GRM8: variants seen among roughly 807,000 people sequenced by gnomAD.
The protein encoded by GRM8 is glutamate metabotropic receptor 8.
GRM8 carries 47 observed loss-of-function variants against 87.2 expected under a neutral mutation model. The observed-to-expected ratio is 0.54, with a 90% CI of 0.43 to 0.69. The LOEUF is 0.69. Ranked by LOEUF, GRM8 falls within the 30% of genes least tolerant of loss-of-function variation. GRM8 has a pLI of 0.00. For missense variants in GRM8, 1,019 were observed against 1,139.2 expected (o/e 0.89, Z 1.52); for synonymous variants, 396 against 404.5 (o/e 0.98, Z 0.25).
intron 6 of GRM8, among the ~76,000 whole-genome samples, chr7:126,792,402 G>C (rs1821448031): frequency 1.3e-5 from 2 of 152,140 alleles, no homozygotes. Flanking sequence ...AAATTCTCCA[G>C]TCTCTCCCCA....
At chr7:126,916,989 C>G (rs1355353288) in intron 3 of GRM8, among the ~76,000 whole-genome samples, 1 of 152,144 alleles carries the variant, frequency 6.6e-6, no homozygotes, top group African/African-American at 2.4e-5. Context: ...ACGTTTTTAA[C>G]TTTTTGGATT....
intron 2 of GRM8, among the ~76,000 whole-genome samples, chr7:127,155,218 G>A (rs995533286): frequency 2.6e-5 from 4 of 152,102 alleles, no homozygotes; most frequent in South Asian, 2.1e-4. Flanking sequence ...ACTTACTCAC[G>A]AAGTGCCACC....
At chr7:126,782,313 T>A (rs1332174489) in intron 6 of GRM8, among the ~76,000 whole-genome samples, 2 of 152,174 alleles carry the variant, frequency 1.3e-5, no homozygotes, top group Non-Finnish European at 2.9e-5. Flanking sequence ...AACTGAGTGA[T>A]TTTTTTCCAG....
At chr7:126,841,255 C>T (rs1376299093) in intron 6 of GRM8, among the ~76,000 whole-genome samples, 3 of 152,146 alleles carry the variant, frequency 2.0e-5, no homozygotes, top group Non-Finnish European at 4.4e-5. Context: ...TGCCATATGG[C>T]ATTAACAGAA....
chr7:126,656,431 C>A (rs1466900759), intron 7 of GRM8, among the ~76,000 whole-genome samples: 1 of 152,122 alleles, frequency 6.6e-6, no homozygotes, highest in Non-Finnish European at 1.5e-5. Context: ...GTAAACCTAG[C>A]ACTTTGGGAG....
chr7:126,769,993 T>C lies in GRM8; in HGVS notation c.1229A>G (p.Tyr410Cys). 1 of 1,612,636 alleles carries C rather than the reference T, an allele frequency of 6.2e-7. No homozygotes were observed. Among genetic ancestry groups the C allele is most frequent in the Non-Finnish European group, 8.5e-7 (1 of 1,178,932 alleles). Residue 410 changes from tyrosine (Y) to cysteine (C), a missense_variant, in exon 7 of 11, where the codon TAT becomes TGT. Physicochemically the swap from Tyr to Cys is radical, Grantham distance 194 (BLOSUM62 -2). Coordinates refer to ENST00000339582, the MANE Select transcript of GRM8 (RefSeq NM_000845.3). ...GKVQFVIDAV[Y>C]SMAYALHNMH... is the part of the protein sequence containing the mutation. The stretch of plus-strand genomic sequence containing the variant: ...ATTGTGCAGGGCGTAAGCCATGGAA[T>C]ATACAGCATCAATTACAAATTGGAC...
At chr7:126,682,631 G>A (rs1050234836) in intron 7 of GRM8, among the ~76,000 whole-genome samples, 1 of 152,150 alleles carries the variant, frequency 6.6e-6, no homozygotes, top group Non-Finnish European at 1.5e-5. Context: ...CTGGCGACTC[G>A]GCCTCACCCA....
Position 126,902,682 on chromosome 7 carries a change from A to G in GRM8, c.1019-3T>C. Reference sequence around the variant, plus strand: ...GCTTCTAAAGTATCGATCAAATCCTATTTCAAAGGAGAAAGGTATGATTTT... The same window carrying G: ...GCTTCTAAAGTATCGATCAAATCCTGTTTCAAAGGAGAAAGGTATGATTTT... On this transcript the variant is annotated splice_region_variant and splice_polypyrimidine_tract_variant and intron_variant, in intron 5 of 10. Coordinates refer to ENST00000339582, the MANE Select transcript of GRM8 (RefSeq NM_000845.3). The G allele has an allele frequency of 6.4e-7, 1 of 1,567,982 alleles. No individual in the cohort carries two copies. The highest frequency in any genetic ancestry group is 1.9e-5 in the Admixed American group (1 of 51,426).
At chr7:126,734,473 G>A (rs1318292070) in intron 7 of GRM8, among the ~76,000 whole-genome samples, 2 of 150,988 alleles carry the variant, frequency 1.3e-5, no homozygotes, top group Non-Finnish European at 3.0e-5. Flanking sequence ...ATATAATATT[G>A]TATAGTAATA....
chr7:126,859,980 A>G (rs1244548971), intron 6 of GRM8, among the ~76,000 whole-genome samples: 5 of 139,942 alleles, frequency 3.6e-5, no homozygotes, highest in Non-Finnish European at 7.6e-5. Context: ...TGAGGAATTT[A>G]TTTCTCAAAT....
At chr7:126,630,213 A>C (rs919951930) in intron 7 of GRM8, among the ~76,000 whole-genome samples, 1 of 152,152 alleles carries the variant, frequency 6.6e-6, no homozygotes, top group African/African-American at 2.4e-5. Flanking sequence ...AGAAAAAATT[A>C]AAATTAAAAT....
intron 7 of GRM8, among the ~76,000 whole-genome samples, chr7:126,741,070 A>T (rs1289697149): frequency 6.6e-6 from 1 of 152,178 alleles, no homozygotes; most frequent in Non-Finnish European, 1.5e-5. Flanking sequence ...TAAAACTAAT[A>T]CTTGCTTATA....
intron 3 of GRM8, among the ~76,000 whole-genome samples, chr7:127,078,839 A>G (rs1367597956): frequency 6.6e-6 from 1 of 152,210 alleles, no homozygotes; most frequent in East Asian, 1.9e-4. Flanking sequence ...ATTAGGAGTA[A>G]TTTTCCAAAG....
At chr7:126,756,857 G>A (rs1817065383) in intron 7 of GRM8, among the ~76,000 whole-genome samples, 1 of 152,012 alleles carries the variant, frequency 6.6e-6, no homozygotes, top group Non-Finnish European at 1.5e-5. Context: ...CAATTTTGCT[G>A]TGAGATTAAA....
At chr7:126,775,860 G>A (rs1205729750) in intron 6 of GRM8, among the ~76,000 whole-genome samples, 1 of 151,916 alleles carries the variant, frequency 6.6e-6, no homozygotes, top group East Asian at 1.9e-4. Flanking sequence ...TCTGTAATGG[G>A]GTTCCTCATC....
chr7:127,075,435 T>TTTAC (rs1822157278), intron 3 of GRM8, among the ~76,000 whole-genome samples: 1 of 152,196 alleles, frequency 6.6e-6, no homozygotes, highest in Non-Finnish European at 1.5e-5. Flanking sequence ...CACTAAAATA[T>TTTAC]TTACTTGATA....
At chr7:126,749,906 T>C (rs1470972832) in intron 7 of GRM8, among the ~76,000 whole-genome samples, 2 of 152,168 alleles carry the variant, frequency 1.3e-5, no homozygotes, top group Non-Finnish European at 2.9e-5. Flanking sequence ...CAAAATGGTA[T>C]GGTCACTTTA....
chr7:126,866,482 C>T (rs1214191551), intron 6 of GRM8, among the ~76,000 whole-genome samples: 1 of 151,140 alleles, frequency 6.6e-6, no homozygotes, highest in Non-Finnish European at 1.5e-5. Flanking sequence ...GTCTAAGAAA[C>T]CATTGCTTAA....
chr7:126,904,565 G>A lies in GRM8; in HGVS notation c.846C>T (p.Ala282=), dbSNP rs142836470. 14 of 1,613,514 alleles carry A rather than the reference G, an allele frequency of 8.7e-6. No individual in the cohort carries two copies. In the African/African-American group the frequency reaches 1.7e-4, roughly 20 times the overall value. The part of the protein sequence containing the change: ...TPNARAVIMF[A]NEDDIRRILE... ...ATCAGCACCTGATGTCATCCTCATT[G>A]GCAAACATAATCACTGCTCGAGCAT... The change falls in exon 4 of 11, where the codon GCC becomes GCT. Residue 282 remains alanine, a synonymous_variant. Transcript: ENST00000339582.
Sources: gnomAD v4.1 joint callset for allele counts (sites outside exome capture counted in the v4.1 genomes callset) on GRCh38, gnomAD v4.1.1 for gene constraint, MANE v1.5 for transcripts, NCBI Gene and HGNC (gene_info 2026-07-23, HGNC 2026-07-21) for gene names.